Variants in MYH14 observed in about 807,000 individuals in gnomAD.
The protein encoded by MYH14 is myosin heavy chain 14.
Under a neutral mutation model 255.5 loss-of-function variants are expected in MYH14, and 123 were observed. That is an observed-to-expected ratio of 0.48 (90% CI 0.42 to 0.56). The LOEUF (loss-of-function observed/expected upper bound fraction) is 0.56. Among genes scored for constraint, MYH14 ranks in the 20% least tolerant of loss-of-function variants. MYH14 has a pLI of 0.00. For synonymous variants in MYH14, 1,095 were observed against 1,161.2 expected, an observed-to-expected ratio of 0.94 and a Z score of 1.16; for missense variants, 2,423 against 2,802.3, an observed-to-expected ratio of 0.86 and a Z score of 3.06.
At chr19:50,292,098 A>G (rs539963612) in intron 36 of MYH14, among the ~76,000 whole-genome samples, 163 bp from the exon 37 acceptor site, 12 of 152,214 alleles carry the variant, frequency 7.9e-5, no homozygotes, top group African/African-American at 2.9e-4. Context: ...TCAGGGTCAC[A>G]CAGCAAGTGG....
intron 3 of MYH14, among the ~76,000 whole-genome samples, chr19:50,220,384 C>T (rs1300040196): frequency 8.4e-6 from 1 of 119,314 alleles, no homozygotes; most frequent in African/African-American, 2.7e-5. Context: ...TATTATACTT[C>T]ATTTTTATTT....
intron 2 of MYH14, among the ~76,000 whole-genome samples, chr19:50,217,059 T>G (rs1274460681): frequency 1.3e-5 from 2 of 152,078 alleles, no homozygotes; most frequent in African/African-American, 4.8e-5. Context: ...TCCACCCGTC[T>G]CGGCTTCCCA....
chr19:50,261,001 C>G (rs936704139), intron 20 of MYH14, among the ~76,000 whole-genome samples: 18 of 138,844 alleles, frequency 1.3e-4, no homozygotes, highest in African/African-American at 4.1e-4. Flanking sequence ...CCCCCACCCC[C>G]GCTTCCTCAT....
chr19:50,265,579 G>T (rs1294488999), intron 22 of MYH14, among the ~76,000 whole-genome samples: 2 of 152,076 alleles, frequency 1.3e-5, no homozygotes, highest in Non-Finnish European at 2.9e-5. Context: ...CCAGCAGTTT[G>T]GGAGGCTGAG....
At chr19:50,207,271 C>CAGAGAGAGAGAGAGAGAGAGAGAGAG (rs764396652) in intron 1 of MYH14, among the ~76,000 whole-genome samples, 25 of 76,832 alleles carry the variant, frequency 3.3e-4, no homozygotes, top group East Asian at 1.6e-3. Flanking sequence ...GAGAGAGAGA[C>CAGAGAGAGAGAGAGAGAGAGAGAGAG]AGAGAGAGAG....
intron 5 of MYH14, 155 bp downstream of exon 5, chr19:50,223,504 G>A (rs2032943831): frequency 3.0e-6 from 2 of 661,042 alleles, no homozygotes; most frequent in African/African-American, 1.8e-5. Flanking sequence ...GGGTGGGGCT[G>A]GAAGCAGAGT....
At chr19:50,218,877 G>A (rs183540186) in intron 3 of MYH14, among the ~76,000 whole-genome samples, 5 of 151,662 alleles carry the variant, frequency 3.3e-5, no homozygotes, top group Middle Eastern at 3.2e-3. Flanking sequence ...TTCCATTCCC[G>A]AGTTACCTCA....
chr19:50,291,122 A>C, intron 36 of MYH14, 74 bp downstream of exon 36: 1 of 1,491,246 alleles, frequency 6.7e-7, no homozygotes, highest in Non-Finnish European at 9.1e-7. Context: ...CCAGGGTCTA[A>C]GGCTAGCTCG....
At chr19:50,231,816 C>T in intron 9 of MYH14, 114 bp from the exon 10 acceptor site, 1 of 1,442,926 alleles carries the variant, frequency 6.9e-7, no homozygotes, top group Non-Finnish European at 9.5e-7. Flanking sequence ...GTAAAGGCCC[C>T]CACCCACTTG....
intron 10 of MYH14, among the ~76,000 whole-genome samples, chr19:50,243,631 T>C (rs1374856841): frequency 6.6e-6 from 1 of 152,172 alleles, no homozygotes; most frequent in Non-Finnish European, 1.5e-5. Context: ...CCATTCAAAA[T>C]AATTTTTTAA....
chr19:50,280,105 G>T lies in MYH14; in HGVS notation c.4101G>T (p.Glu1367Asp). Residue 1367 changes from glutamate to aspartate, a missense_variant, in exon 31 of 43, where the codon GAG (glutamate) becomes GAT (aspartate). By Grantham distance (45) the Glu-to-Asp change is conservative. Coordinates refer to ENST00000642316, the MANE Select transcript of MYH14 (RefSeq NM_001145809.2). This position sits in a 1 kb window ranked among gnomAD's most constrained non-coding sequence, Gnocchi z 4.8. ...CCAAAACCATCCGTCTTAGCAAGGA[G>T]CTGAGCAGCACAGAAGCCCAGCTGC... The part of the protein sequence containing the change: ...AESKTIRLSK[E>D]LSSTEAQLHD... 1.2e-6 allele frequency: 2 copies of T among 1,609,460 alleles called. No individual in the cohort carries two copies. The highest frequency in any genetic ancestry group is 1.7e-5 in the Admixed American group (1 of 59,380).
intron 10 of MYH14, among the ~76,000 whole-genome samples, chr19:50,243,445 AAAC>A (rs1256529485): frequency 3.9e-5 from 6 of 152,090 alleles, no homozygotes; most frequent in Non-Finnish European, 1.5e-5. Flanking sequence ...TCAAAAAAAA[AAAC>A]AAGGTGACTT....
intron 2 of MYH14, 119 bp downstream of exon 2, chr19:50,210,889 C>T (rs1301772774): frequency 1.4e-6 from 2 of 1,454,052 alleles, no homozygotes; most frequent in Non-Finnish European, 9.1e-7. Flanking sequence ...ATCCCATGTC[C>T]CGTGACTGTT....
At chr19:50,292,117 A>G (rs2036094911) in intron 36 of MYH14, 144 bp from the exon 37 acceptor site, 2 of 768,560 alleles carry the variant, frequency 2.6e-6, no homozygotes, top group Non-Finnish European at 3.8e-6. Context: ...GGCTTTATAC[A>G]CAGGAGCCCA....
In MYH14 at chr19:50,231,030, C is replaced by A. The variant is rs549764993; in HGVS notation, c.973+407C>A. 3 of 250,092 alleles carry A rather than the reference C, an allele frequency of 1.2e-5. No individual in the cohort carries two copies. The Admixed American group carries it at 1.5e-4, about 12-fold the overall frequency. 15.5% of individuals were successfully genotyped at this position (250,092 alleles called of 1,614,324 possible). A position where few individuals can be genotyped will look rare whatever the true frequency, so the allele number is the denominator to read the frequency against. On this transcript the variant is annotated intron_variant, in intron 9 of 42. Transcript: ENST00000642316. ...TGTTGCTTCTCGGCTCGTGCTGCCT[C>A]GTGCTCCCCTCTGCTCTGGCTCCTA...
At chr19:50,208,395 A>G (rs561798899) in intron 1 of MYH14, among the ~76,000 whole-genome samples, 189 of 151,908 alleles carry the variant, frequency 1.2e-3, no homozygotes, top group African/African-American at 3.9e-3. Flanking sequence ...AGCCTGGGTG[A>G]CAGAGCAAGA....
rs775860843 is a variant in MYH14, at chr19:50,231,918, T to C, written c.974-12T>C. On this transcript the variant is annotated splice_polypyrimidine_tract_variant and intron_variant, in intron 9 of 42. Coordinates refer to ENST00000642316, the MANE Select transcript of MYH14 (RefSeq NM_001145809.2). ...CCACCTTTGACCTTGACCCCACTCA[T>C]TGTCCCTGCAGCCGACCTCCTCCTC... 2 of 1,613,772 alleles carry C rather than the reference T, an allele frequency of 1.2e-6. No individual in the cohort carries two copies. Among genetic ancestry groups the C allele is most frequent in the South Asian group, 2.2e-5 (2 of 91,078 alleles).
intron 2 of MYH14, among the ~76,000 whole-genome samples, chr19:50,214,443 TA>T (rs1355032884): frequency 2.0e-5 from 3 of 152,262 alleles, no homozygotes; most frequent in African/African-American, 7.2e-5. Context: ...TTTGAGTTGC[TA>T]AGAGTCTCAG....
At chr19:50,217,381 T>C (rs1277780826) in intron 2 of MYH14, among the ~76,000 whole-genome samples, 1 of 152,206 alleles carries the variant, frequency 6.6e-6, no homozygotes, top group Non-Finnish European at 1.5e-5. Flanking sequence ...GGCCTTGTTC[T>C]CTCTCAGGAC....
Sources: gnomAD v4.1 joint callset for allele counts (sites outside exome capture counted in the v4.1 genomes callset) on GRCh38, gnomAD v4.1.1 for gene constraint, Gnocchi (gnomAD v3.1) non-coding constraint, MANE v1.5 for transcripts, NCBI Gene and HGNC (gene_info 2026-07-23, HGNC 2026-07-21) for gene names.